The following LIFR variants were observed in gnomAD, a reference collection of about 807,000 sequenced individuals.
LIFR encodes the protein leukemia inhibitory factor receptor.
LIFR carries 84 observed loss-of-function variants against 122.2 expected under a neutral mutation model. The ratio of observed to expected loss-of-function variants is 0.69; its 90% CI spans 0.58 to 0.82. The LOEUF (loss-of-function observed/expected upper bound fraction) is 0.82. Ranked by LOEUF, LIFR falls within the 40% of genes least tolerant of loss-of-function variation. The pLI is 0.00. For missense variants in LIFR, 1,294 were observed against 1,311.6 expected (o/e 0.99, Z 0.21); for synonymous variants, 422 against 434.7 (o/e 0.97, Z 0.36).
chr5:38,501,316 CAT>C (rs149984523), intron 11 of LIFR, among the ~76,000 whole-genome samples: 6,454 of 152,298 alleles, frequency 0.042, 207 homozygotes, highest in Admixed American at 0.066. Context: ...CTATTCTTCA[CAT>C]GTCTTCATGT....
At chr5:38,574,271 T>G (rs564069358) in intron 1 of LIFR, among the ~76,000 whole-genome samples, 1 of 152,286 alleles carries the variant, frequency 6.6e-6, no homozygotes, top group Admixed American at 6.5e-5. Context: ...GCTCCTTCCC[T>G]CTATAGACTT....
In LIFR at chr5:38,530,540, T is replaced by C. The variant is rs1178064869; in HGVS notation, c.108A>G (p.Leu36=). ...GGCTATTTACTTGATTCATTAGATA[T>C]AGAAGAATAAATGTTGATAACAGCC... ...FQWLLSTFIL[L]YLMNQVNSQK... Residue 36 remains leucine, a synonymous_variant, in exon 2 of 20, where the codon CTA becomes CTG. Transcript: ENST00000453190. 3.1e-6 allele frequency: 5 copies of C among 1,612,802 alleles called. No individual in the cohort carries two copies. The highest frequency in any genetic ancestry group is 4.5e-5 in the East Asian group (2 of 44,870).
upstream of LIFR, among the ~76,000 whole-genome samples, chr5:38,560,916 C>T (rs936823477): frequency 3.3e-5 from 5 of 152,054 alleles, no homozygotes; most frequent in East Asian, 1.9e-4. Context: ...TTATTTATAC[C>T]GTGCCTTCTT....
intron 4 of LIFR, among the ~76,000 whole-genome samples, chr5:38,525,008 C>G (rs192855518): frequency 7.5e-4 from 114 of 152,298 alleles, no homozygotes; most frequent in African/African-American, 2.6e-3. Context: ...TTTAGGAGAA[C>G]AGTGGGCTCT....
chr5:38,479,019 G>A lies in LIFR; in HGVS notation c.*2576C>T, dbSNP rs1015155130. 2 of 231,562 alleles carry A rather than the reference G, an allele frequency of 8.6e-6. No homozygotes were observed. Among genetic ancestry groups the A allele is most frequent in the African/African-American group, 4.4e-5 (2 of 45,186 alleles). 14.3% of individuals were successfully genotyped at this position (231,562 alleles called of 1,614,324 possible). A position where few individuals can be genotyped will look rare whatever the true frequency, so the allele number is the denominator to read the frequency against. Reference sequence around the variant, plus strand: ...TAAATGCAGGCATGCAACCTTCATTGACAAACAGCGCACATTTACCAGTAT... The same window carrying A: ...TAAATGCAGGCATGCAACCTTCATTAACAAACAGCGCACATTTACCAGTAT... On this transcript the variant is annotated 3_prime_UTR_variant, in exon 20 of 20. Transcript: ENST00000453190.
At chr5:38,559,680 GAGTA>G (rs1748759001), upstream of LIFR, among the ~76,000 whole-genome samples, 1 of 152,166 alleles carries the variant, frequency 6.6e-6, no homozygotes, top group African/African-American at 2.4e-5. Context: ...TAATGAAACA[GAGTA>G]AGTCACAAAA....
chr5:38,509,313 T>A (rs17641791), intron 7 of LIFR, among the ~76,000 whole-genome samples: 3,106 of 152,306 alleles, frequency 0.02, 30 homozygotes, highest in Non-Finnish European at 0.033. Flanking sequence ...GCAAGTAATT[T>A]CCTAACATTC....
intron 1 of LIFR, among the ~76,000 whole-genome samples, chr5:38,532,923 G>A (rs1417616764): frequency 6.6e-6 from 1 of 152,142 alleles, no homozygotes; most frequent in East Asian, 1.9e-4. Context: ...ACGATTTCAG[G>A]AGCTAACTTT....
At chr5:38,485,625 A>G in intron 17 of LIFR, 194 bp downstream of exon 17, 1 of 624,208 alleles carries the variant, frequency 1.6e-6, no homozygotes, top group Non-Finnish European at 2.8e-6. Context: ...TTTGGAAATA[A>G]CTTCAAATAA....
At position 38,489,090 on chromosome 5, in the gene LIFR, C is replaced by T; in HGVS notation, c.2323G>A (p.Val775Ile). The T allele has an allele frequency of 6.2e-7, 1 of 1,612,626 alleles. No individual in the cohort carries two copies. The highest frequency in any genetic ancestry group is 8.5e-7 in the Non-Finnish European group (1 of 1,178,942). ...TCAATTTACTCACCTGATTCTAAAA[C>T]CCTCATCTTAGATGTGTCTCTTTCT... is the stretch of plus-strand genomic sequence containing the variant. The part of the protein sequence containing the change: ...KGERDTSKMR[V>I]LESGRSDIKV... Residue 775 changes from valine to isoleucine, a missense_variant, in exon 16 of 20, where the codon GTT becomes ATT. Transcript: ENST00000453190.
intron 14 of LIFR, 51 bp from the exon 15 acceptor site, chr5:38,490,342 T>C (rs1476524795): frequency 2.5e-6 from 2 of 805,240 alleles, no homozygotes; most frequent in East Asian, 2.5e-5. Context: ...ACTATGAATA[T>C]CTATTTTAGA....
chr5:38,489,009 CTTT>C, intron 16 of LIFR, 66 bp downstream of exon 16: 1 of 1,364,172 alleles, frequency 7.3e-7, no homozygotes, highest in Non-Finnish European at 1.0e-6. Flanking sequence ...CAGGACTTTC[CTTT>C]TTTTTCTGTT....
intron 18 of LIFR, among the ~76,000 whole-genome samples, chr5:38,484,086 G>T (rs543348852): frequency 4.9e-4 from 74 of 152,184 alleles, no homozygotes; most frequent in Non-Finnish European, 9.3e-4. Flanking sequence ...GGCCCTCAAA[G>T]AAATAATTAT....
At position 38,480,403 on chromosome 5, in the gene LIFR, C is replaced by T. The variant is rs914127908; in HGVS notation, c.*1192G>A. ...TGCTGCACCTGCAACACAGGTATGC[C>T]CATGGATTCAGATCAGTTTATGACA... On this transcript the variant is annotated 3_prime_UTR_variant, in exon 20 of 20. Coordinates refer to ENST00000453190, the MANE Select transcript of LIFR (RefSeq NM_001127671.2). 3 of 224,412 alleles carry T rather than the reference C, an allele frequency of 1.3e-5. No homozygotes were observed. The highest frequency in any genetic ancestry group is 6.7e-5 in the African/African-American group (3 of 44,830). The allele number at this position is 224,412 out of a possible 1,614,324, so 13.9% of individuals were successfully genotyped here. A position where few individuals can be genotyped will look rare whatever the true frequency, so the allele number is the denominator to read the frequency against.
At chr5:38,507,679 CCT>C (rs1447816847) in intron 7 of LIFR, among the ~76,000 whole-genome samples, 2 of 151,518 alleles carry the variant, frequency 1.3e-5, no homozygotes, top group Non-Finnish European at 2.9e-5. Flanking sequence ...ACTGGTATTT[CCT>C]CTCTCATATT....
chr5:38,496,930 T>A (rs1451424748), intron 12 of LIFR, among the ~76,000 whole-genome samples: 1 of 152,018 alleles, frequency 6.6e-6, no homozygotes, highest in Non-Finnish European at 1.5e-5. Context: ...TGAGCCAAGA[T>A]CATGCCACTG....
chr5:38,566,343 T>A (rs1181272253), intron 1 of LIFR, among the ~76,000 whole-genome samples: 3 of 152,238 alleles, frequency 2.0e-5, no homozygotes, highest in African/African-American at 7.2e-5. Flanking sequence ...GACGTATCAG[T>A]TGGTTTAAAA....
At chr5:38,607,071 C>T (rs1253861240) in intron 1 of LIFR, among the ~76,000 whole-genome samples, 2 of 152,160 alleles carry the variant, frequency 1.3e-5, no homozygotes, top group Non-Finnish European at 2.9e-5. Flanking sequence ...ATCATCTGTT[C>T]ATTTGTAAAC....
chr5:38,549,333 T>C (rs1748072167), intron 1 of LIFR, among the ~76,000 whole-genome samples: 3 of 151,844 alleles, frequency 2.0e-5, no homozygotes, highest in Admixed American at 2.0e-4. Context: ...TGTTTTACAA[T>C]CTGCTTTTTC....
Sources: gnomAD v4.1 joint callset for allele counts (sites outside exome capture counted in the v4.1 genomes callset) on GRCh38, gnomAD v4.1.1 for gene constraint, MANE v1.5 for transcripts, NCBI Gene and HGNC (gene_info 2026-07-23, HGNC 2026-07-21) for gene names.